PRKCSH: variants seen among roughly 807,000 people sequenced by gnomAD.
PRKCSH encodes glucosidase 2 subunit beta.
PRKCSH carries 42 observed loss-of-function variants against 79.7 expected under a neutral mutation model. The ratio of observed to expected loss-of-function variants is 0.53; its 90% CI spans 0.41 to 0.68. The LOEUF (loss-of-function observed/expected upper bound fraction) is 0.68, where lower values mean the gene tolerates loss of function less well. Among genes scored for constraint, PRKCSH ranks in the 30% least tolerant of loss-of-function variants. The probability of loss-of-function intolerance (pLI) is 0.00; values close to 1 mark genes in which losing one functional copy is unlikely to be tolerated. For synonymous variants in PRKCSH, 325 were observed against 288.2 expected (o/e 1.13, Z -1.29); for missense variants, 686 against 709.0 (o/e 0.97, Z 0.37).
rs1157749257 is a variant in PRKCSH, at chr19:11,435,676, C to G, written c.-108C>G. ...CCGCGGCTGCTGGACAAGAGGGGTG[C>G]GGTGGATACTGACCTTTGCTCCGGC... On this transcript the variant is annotated 5_prime_UTR_variant, in exon 1 of 18. Transcript: ENST00000677123. 1 of 1,302,578 alleles carries G rather than the reference C, an allele frequency of 7.7e-7. No individual in the cohort carries two copies. Among genetic ancestry groups the G allele is most frequent in the East Asian group, 5.3e-5 (1 of 18,714 alleles). The allele number at this position is 1,302,578 out of a possible 1,614,324, so 80.7% of individuals were successfully genotyped here. A position where few individuals can be genotyped will look rare whatever the true frequency, so the allele number is the denominator to read the frequency against.
Position 11,449,335 on chromosome 19 carries a change from A to G in PRKCSH, c.1531A>G (p.Met511Val). ...TTEPSRCEYL[M>V]ELMTPAACPE... ...AGAGCCCAGTCGCTGCGAGTACCTCATGGAGCTGATGACGCCAGCCGCCTG... is the reference window on the plus strand; with the variant it reads ...AGAGCCCAGTCGCTGCGAGTACCTCGTGGAGCTGATGACGCCAGCCGCCTG... The change falls in exon 17 of 18, where the codon ATG (methionine) becomes GTG (valine). Residue 511 changes from methionine to valine, a missense_variant. Around this residue, in one of 2 missense-constraint regions of PRKCSH, gnomAD observed 137 missense variants for 188.8 expected, o/e 0.73. Transcript: ENST00000677123. This position sits in a 1 kb window ranked among gnomAD's most constrained non-coding sequence, Gnocchi z 6.4. 6.2e-7 allele frequency: 1 copy of G among 1,612,392 alleles called. No individual in the cohort carries two copies. The highest frequency in any genetic ancestry group is 8.5e-7 in the Non-Finnish European group (1 of 1,179,022).
Position 11,449,219 on chromosome 19 carries a change from G to T in PRKCSH, c.1461+44G>T. 1 of 1,613,498 alleles carries T rather than the reference G, an allele frequency of 6.2e-7. No homozygotes were observed. The highest frequency in any genetic ancestry group is 8.5e-7 in the Non-Finnish European group (1 of 1,179,932). The stretch of plus-strand genomic sequence containing the variant: ...GGGGAGCTGGGGCGGGGAGACCCAG[G>T]CCTGGCCCAGCCGAACCCTCTCGAG... On this transcript the variant is annotated intron_variant, in intron 16 of 17. Coordinates refer to ENST00000677123, the MANE Select transcript of PRKCSH (RefSeq NM_001289104.2). This position sits in a 1 kb window ranked among gnomAD's most constrained non-coding sequence, Gnocchi z 6.4.
chr19:11,445,046 C>T (rs1001798863), intron 7 of PRKCSH, among the ~76,000 whole-genome samples: 2 of 152,134 alleles, frequency 1.3e-5, no homozygotes, highest in Non-Finnish European at 2.9e-5. Flanking sequence ...TGGCTTCTGC[C>T]CTCGCCCCCA....
At chr19:11,441,783 G>T (rs1970074179) in intron 6 of PRKCSH, among the ~76,000 whole-genome samples, 2 of 152,166 alleles carry the variant, frequency 1.3e-5, no homozygotes, top group Non-Finnish European at 2.9e-5. Context: ...GGGTCCCTAG[G>T]TGTGTGTCTC....
Position 11,440,273 on chromosome 19 carries a change from G to A in PRKCSH, c.351-967G>A, listed in dbSNP as rs186393682. Among the ~76,000 whole-genome samples, 863 of 150,794 alleles carry A rather than the reference G, an allele frequency of 5.7e-3. 7 individuals carry two copies. The highest frequency in any genetic ancestry group is 0.02 in the African/African-American group (824 of 41,050). On this transcript the variant is annotated intron_variant, in intron 5 of 17. Transcript: ENST00000677123. ...TGCCATTCTCCTGCCTCAGCCTCCC[G>A]AGTAGCTGGGACTACAGGCACCTGC...
At chr19:11,445,696 G>C in intron 8 of PRKCSH, 1 of 612,276 alleles carries the variant, frequency 1.6e-6, no homozygotes. Flanking sequence ...CAGGAGCTGG[G>C]CACAGACCCT....
At chr19:11,442,846 C>T (rs1970126211) in intron 7 of PRKCSH, among the ~76,000 whole-genome samples, 1 of 152,110 alleles carries the variant, frequency 6.6e-6, no homozygotes, top group African/African-American at 2.4e-5. Context: ...AGATTACAGG[C>T]ACCTGCCACC....
chr19:11,446,221 A>T (rs376947739), intron 8 of PRKCSH, 51 bp from the exon 9 acceptor site: 24 of 1,590,682 alleles, frequency 1.5e-5, no homozygotes, highest in Non-Finnish European at 2.0e-5. Context: ...CCCCCAACTG[A>T]GAGCCACTGG....
At position 11,435,728 on chromosome 19, in the gene PRKCSH, G is replaced by A. The variant is rs1169548022; in HGVS notation, c.-78+22G>A. 7.5e-7 allele frequency: 1 copy of A among 1,339,544 alleles called. No homozygotes were observed. 83.0% of individuals were successfully genotyped at this position (1,339,544 alleles called of 1,614,324 possible). A position where few individuals can be genotyped will look rare whatever the true frequency, so the allele number is the denominator to read the frequency against. On this transcript the variant is annotated intron_variant, in intron 1 of 17. Coordinates refer to ENST00000677123, the MANE Select transcript of PRKCSH (RefSeq NM_001289104.2). ...TCGTGTAGGTGTGAACGAGCGGGTG[G>A]GAGGGCACCTCAGTTTCTTACAGGG...
rs549531601 is a variant in PRKCSH, at chr19:11,445,720, T to C, written c.683+247T>C. ...GGCACAGACCCTCAGCCTCAGGGAG[T>C]GTGTCTAGGCATCTAGTGATCGGAT... On this transcript the variant is annotated intron_variant, in intron 8 of 17. Transcript: ENST00000677123. 75 of 580,668 alleles carry C rather than the reference T, an allele frequency of 1.3e-4. 1 individual carries two copies. The highest frequency in any genetic ancestry group is 9.7e-4 in the South Asian group (51 of 52,646). 36.0% of individuals were successfully genotyped at this position (580,668 alleles called of 1,614,324 possible). A position where few individuals can be genotyped will look rare whatever the true frequency, so the allele number is the denominator to read the frequency against.
chr19:11,438,174 T>C (rs778907127), intron 5 of PRKCSH, 50 bp downstream of exon 5: 55 of 1,596,022 alleles, frequency 3.4e-5, no homozygotes, highest in Non-Finnish European at 4.6e-5. Flanking sequence ...AGACTTTGCC[T>C]GGCTCCACCC....
chr19:11,443,714 A>T (rs1037393385), intron 7 of PRKCSH, among the ~76,000 whole-genome samples: 8 of 152,164 alleles, frequency 5.3e-5, no homozygotes, highest in Non-Finnish European at 1.2e-4. Context: ...CATCTAAAAA[A>T]AATAATAAAG....
Position 11,449,997 on chromosome 19 carries a change from C to G in PRKCSH, c.*16+569C>G. On this transcript the variant is annotated intron_variant, in intron 17 of 17. Transcript: ENST00000677123. The surrounding 1 kb of genome is among the most constrained non-coding windows in gnomAD (Gnocchi z 6.4). ...GTAATTGGGACTACAGGCGCCGCCA[C>G]CACGCCTGGCTAATTTTTTTGTATT... The G allele has an allele frequency of 6.3e-6, 1 of 159,494 alleles. No homozygotes were observed. The highest frequency in any genetic ancestry group is 1.4e-5 in the Non-Finnish European group (1 of 72,252). The allele number at this position is 159,494 out of a possible 1,614,324, so 9.9% of individuals were successfully genotyped here.
Position 11,448,656 on chromosome 19 carries a change from C to T in PRKCSH, c.1286+27C>T, listed in dbSNP as rs1970440804. ...TGCGTCCCAGGAATGCAGGGGCCCC[C>T]ACTGGCAGGGTGGGAGGCGGGTGGC... On this transcript the variant is annotated intron_variant, in intron 14 of 17. Transcript: ENST00000677123. The surrounding 1 kb of genome is among the most constrained non-coding windows in gnomAD (Gnocchi z 4.4). 1.2e-6 allele frequency: 2 copies of T among 1,603,822 alleles called. No individual in the cohort carries two copies. The highest frequency in any genetic ancestry group is 2.2e-5 in the East Asian group (1 of 44,814).
Position 11,444,329 on chromosome 19 carries a change from G to A in PRKCSH, c.599-1060G>A, listed in dbSNP as rs116487568. On this transcript the variant is annotated intron_variant, in intron 7 of 17. Transcript: ENST00000677123. ...CCATGTTTTGACCCAGATTCCCAAA[G>A]GGTGGCGGGGCTGAGCCAGGGCTCC... Among the ~76,000 whole-genome samples, 512 of 152,284 alleles carry A rather than the reference G, an allele frequency of 3.4e-3. 6 individuals are homozygous for A. The highest frequency in any genetic ancestry group is 0.012 in the African/African-American group (489 of 41,568).
At chr19:11,441,904 A>T (rs1397192214) in intron 6 of PRKCSH, among the ~76,000 whole-genome samples, 1 of 152,120 alleles carries the variant, frequency 6.6e-6, no homozygotes, top group Non-Finnish European at 1.5e-5. Context: ...GGACAAAGGG[A>T]AATTCGGGGT....
intron 6 of PRKCSH, 115 bp from the exon 7 acceptor site, chr19:11,442,271 G>T (rs1970096370): frequency 7.0e-7 from 1 of 1,434,208 alleles, no homozygotes; most frequent in African/African-American, 1.4e-5. Context: ...ACCCAGCTTG[G>T]TGTGTGTTTT....
At position 11,449,541 on chromosome 19, in the gene PRKCSH, C is replaced by A; in HGVS notation, c.*16+113C>A. ...TCAACCTGTGTCCCCATGTTCCCTG[C>A]TTTTTTGTTTTGTTTTTTTGAGGTG... On this transcript the variant is annotated intron_variant, in intron 17 of 17. Transcript: ENST00000677123. The surrounding 1 kb of genome is among the most constrained non-coding windows in gnomAD (Gnocchi z 6.4). 6.9e-7 allele frequency: 1 copy of A among 1,440,600 alleles called. No individual in the cohort carries two copies. The highest frequency in any genetic ancestry group is 1.2e-5 in the South Asian group (1 of 83,494). The allele number at this position is 1,440,600 out of a possible 1,614,324, so 89.2% of individuals were successfully genotyped here. A position where few individuals can be genotyped will look rare whatever the true frequency, so the allele number is the denominator to read the frequency against.
rs1970107198 is a variant in PRKCSH, at chr19:11,442,486, C to T, written c.569C>T (p.Ala190Val). ...GAAGCTGAGAAGCCAGAGAGAGAGG[C>T]CAAAGAGCAGCACCAGAAGCTGTGG... ...KEEAEKPEREAKEQHQKLWEE... is the reference protein window; with the variant it reads ...KEEAEKPEREVKEQHQKLWEE... The change falls in exon 7 of 18, where the codon GCC becomes GTC. Residue 190 changes from alanine (A) to valine (V), a missense_variant. Around this residue, in one of 2 missense-constraint regions of PRKCSH, gnomAD observed 549 missense variants for 520.2 expected, o/e 1.06. Transcript: ENST00000677123. 6.2e-7 allele frequency: 1 copy of T among 1,611,642 alleles called. No individual in the cohort carries two copies. Among genetic ancestry groups the T allele is most frequent in the Non-Finnish European group, 8.5e-7 (1 of 1,179,258 alleles).
Sources: allele counts gnomAD v4.1 joint callset (sites outside exome capture counted in the v4.1 genomes callset), GRCh38; gene constraint gnomAD v4.1.1; regional missense constraint gnomAD v4.1.1; non-coding constraint Gnocchi (gnomAD v3.1); transcripts MANE v1.5; gene names NCBI Gene and HGNC (gene_info 2026-07-23, HGNC 2026-07-21).